The following ANKFY1 variants were observed in gnomAD, a reference collection of about 807,000 sequenced individuals.
ANKFY1 encodes ankyrin repeat and FYVE domain containing 1.
In ANKFY1, 47 loss-of-function variants were observed where a neutral mutation model predicts 128.3. The observed-to-expected ratio is 0.37, with a 90% CI of 0.29 to 0.47. The LOEUF is 0.47. ANKFY1 is among the 20% of genes least tolerant of loss of function. The pLI is 1.00. For missense variants in ANKFY1, 1,222 were observed against 1,510.6 expected (o/e 0.81, Z 3.17); for synonymous variants, 553 against 601.6 (o/e 0.92, Z 1.18).
intron 4 of ANKFY1, among the ~76,000 whole-genome samples, chr17:4,213,747 G>A (rs1286797805): frequency 6.6e-6 from 1 of 151,726 alleles, no homozygotes; most frequent in Non-Finnish European, 1.5e-5. Context: ...CTAATTTTTT[G>A]TATTTTTAGT....
chr17:4,198,692 C>T (rs2059872874), intron 7 of ANKFY1, among the ~76,000 whole-genome samples: 2 of 152,080 alleles, frequency 1.3e-5, no homozygotes. Flanking sequence ...TTTGTAATCT[C>T]ATTATATACA....
At chr17:4,248,055 T>C (rs1267085897) in intron 1 of ANKFY1, among the ~76,000 whole-genome samples, 2 of 152,178 alleles carry the variant, frequency 1.3e-5, no homozygotes, top group East Asian at 3.8e-4. Context: ...AGCTTACCCA[T>C]TTACTAGCTG....
chr17:4,184,677 A>T, intron 12 of ANKFY1, 141 bp downstream of exon 12: 1 of 861,328 alleles, frequency 1.2e-6, no homozygotes, highest in Non-Finnish European at 1.9e-6. Flanking sequence ...ATGCTTCTCT[A>T]GTTTGACCTG....
chr17:4,257,650 C>T (rs528745626), intron 1 of ANKFY1, among the ~76,000 whole-genome samples: 30 of 152,202 alleles, frequency 2.0e-4, no homozygotes, highest in Non-Finnish European at 3.8e-4. Context: ...CCTGAGTTTT[C>T]AAAGTAACTC....
In ANKFY1 at chr17:4,235,059, T is replaced by C. The variant is rs115538714; in HGVS notation, c.322+713A>G. ...GTTCTGATAAACTAGAAAAAGTACT[T>C]TGGCCAGACACGGTGGCTCACACCT... On this transcript the variant is annotated intron_variant, in intron 3 of 24. Transcript: ENST00000341657. Among the ~76,000 whole-genome samples the C allele has an allele frequency of 1.9e-3, 292 of 152,228 alleles. 1 individual carries two copies. Among genetic ancestry groups the C allele is most frequent in the African/African-American group, 6.8e-3 (281 of 41,548 alleles).
At chr17:4,220,717 G>A (rs1349321450) in intron 3 of ANKFY1, among the ~76,000 whole-genome samples, 2 of 152,170 alleles carry the variant, frequency 1.3e-5, no homozygotes, top group South Asian at 2.1e-4. Flanking sequence ...TGACTCAGAC[G>A]AAGCAGCCAG....
intron 6 of ANKFY1, among the ~76,000 whole-genome samples, 200 bp from the exon 7 acceptor site, chr17:4,206,686 GAATT>G (rs2060030996): frequency 6.6e-6 from 1 of 152,184 alleles, no homozygotes; most frequent in African/African-American, 2.4e-5. Context: ...AGGGAGTACA[GAATT>G]AATGGGGACC....
At chr17:4,240,171 TCTC>T (rs1414058274) in intron 2 of ANKFY1, among the ~76,000 whole-genome samples, 1 of 151,354 alleles carries the variant, frequency 6.6e-6, no homozygotes, top group Non-Finnish European at 1.5e-5. Flanking sequence ...TTCAAGCGAT[TCTC>T]CTGCCTCAGC....
At chr17:4,230,059 A>C (rs1280726187) in intron 3 of ANKFY1, among the ~76,000 whole-genome samples, 1 of 152,230 alleles carries the variant, frequency 6.6e-6, no homozygotes, top group Non-Finnish European at 1.5e-5. Context: ...TTAATACTGA[A>C]ACTGAACAGC....
chr17:4,226,219 T>G (rs1378381162), intron 3 of ANKFY1, among the ~76,000 whole-genome samples: 1 of 152,164 alleles, frequency 6.6e-6, no homozygotes, highest in Non-Finnish European at 1.5e-5. Context: ...ACCACTCTCC[T>G]TTAAGGAATT....
At chr17:4,237,278 A>C (rs970973809) in intron 2 of ANKFY1, among the ~76,000 whole-genome samples, 1 of 152,242 alleles carries the variant, frequency 6.6e-6, no homozygotes, top group Non-Finnish European at 1.5e-5. Context: ...TCAAAGACCA[A>C]GCTATAACCA....
At chr17:4,233,066 T>C (rs972132327) in intron 3 of ANKFY1, among the ~76,000 whole-genome samples, 1 of 152,108 alleles carries the variant, frequency 6.6e-6, no homozygotes, top group African/African-American at 2.4e-5. Context: ...AGAACTGTCA[T>C]ACCTATTTGT....
intron 4 of ANKFY1, among the ~76,000 whole-genome samples, chr17:4,215,970 C>G (rs1174584732): frequency 3.3e-5 from 5 of 152,212 alleles, no homozygotes; most frequent in Non-Finnish European, 1.5e-5. Flanking sequence ...CCTCAATAAT[C>G]AAATCAGCTT....
Position 4,167,652 on chromosome 17 carries a change from A to T in ANKFY1, c.*127T>A. ...TGGGATCTATCACACCATGGTCCTT[A>T]ATCGTTCCAGTCTATTGCCGCAGGA... is the stretch of plus-strand genomic sequence containing the variant. On this transcript the variant is annotated 3_prime_UTR_variant, in exon 25 of 25. Coordinates refer to ENST00000341657, the MANE Select transcript of ANKFY1 (RefSeq NM_001330063.2). This position sits in a 1 kb window ranked among gnomAD's most constrained non-coding sequence, Gnocchi z 4.1. 1 of 898,730 alleles carries T rather than the reference A, an allele frequency of 1.1e-6. No individual in the cohort carries two copies. Among genetic ancestry groups the T allele is most frequent in the Non-Finnish European group, 1.6e-6 (1 of 622,342 alleles). The allele number at this position is 898,730 out of a possible 1,614,324, so 55.7% of individuals were successfully genotyped here.
At position 4,244,668 on chromosome 17, in the gene ANKFY1, C is replaced by T. The variant is rs142646738; in HGVS notation, c.11-2220G>A. Reference sequence around the variant, plus strand: ...AAACTGAGCTACTGCCAATAACTCCCACCATCCCAGCAATGATTCCCATCT... The same window carrying T: ...AAACTGAGCTACTGCCAATAACTCCTACCATCCCAGCAATGATTCCCATCT... On this transcript the variant is annotated intron_variant, in intron 1 of 24. Transcript: ENST00000341657. 2.2e-4 allele frequency among the ~76,000 whole-genome samples: 33 copies of T among 152,224 alleles called. 1 individual carries two copies. In the East Asian group the frequency reaches 4.1e-3, roughly 19 times the overall value.
intron 17 of ANKFY1, chr17:4,179,380 AAG>A: frequency 1.9e-6 from 1 of 517,188 alleles, no homozygotes; most frequent in Non-Finnish European, 3.5e-6. Flanking sequence ...GAATGTTGAA[AAG>A]CATCAAAGGG....
intron 19 of ANKFY1, among the ~76,000 whole-genome samples, chr17:4,176,381 G>C (rs1219252209): frequency 6.6e-6 from 1 of 152,218 alleles, no homozygotes; most frequent in Non-Finnish European, 1.5e-5. Context: ...GAGGAGCAGA[G>C]ACCAGACGAT....
At chr17:4,184,016 TCAATG>T (rs1373748501) in intron 12 of ANKFY1, 106 bp from the exon 13 acceptor site, 2 of 883,392 alleles carry the variant, frequency 2.3e-6, no homozygotes, top group African/African-American at 3.3e-5. Context: ...TATAATATGA[TCAATG>T]CTATAAAAAG....
chr17:4,255,639 C>T (rs1013955549), intron 1 of ANKFY1, among the ~76,000 whole-genome samples: 7 of 152,108 alleles, frequency 4.6e-5, no homozygotes, highest in Non-Finnish European at 8.8e-5. Context: ...ATTGTAAAGG[C>T]TGTGATAACA....
Sources: allele counts gnomAD v4.1 joint callset (sites outside exome capture counted in the v4.1 genomes callset), GRCh38; gene constraint gnomAD v4.1.1; non-coding constraint Gnocchi (gnomAD v3.1); transcripts MANE v1.5; gene names NCBI Gene and HGNC (gene_info 2026-07-23, HGNC 2026-07-21).